CASK: variants seen among roughly 807,000 people sequenced by gnomAD.
CASK encodes the protein peripheral plasma membrane protein CASK.
CASK carries 4 observed loss-of-function variants against 82.9 expected under a neutral mutation model. The observed-to-expected ratio is 0.05, with a 90% confidence interval of 0.02 to 0.11. CASK has a LOEUF of 0.11. Among genes scored for constraint, CASK ranks in the 10% least tolerant of loss-of-function variants. The pLI, the probability that CASK is intolerant of heterozygous loss-of-function variation, is 1.00. For synonymous variants in CASK, 259 were observed against 253.5 expected (o/e 1.02, Z -0.20); for missense variants, 358 against 720.9 (o/e 0.50, Z 5.76).
At chrX:41,855,433 G>A (rs913031272) in intron 1 of CASK, among the ~76,000 whole-genome samples, 2 of 111,687 alleles carry the variant, frequency 1.8e-5, no homozygotes, top group South Asian at 3.8e-4. Flanking sequence ...ACTAAAATAC[G>A]TTTTGAGGTT....
Position 41,723,138 on chromosome X carries a change from T to C in CASK, c.429+16246A>G, listed in dbSNP as rs192466993. Among the ~76,000 whole-genome samples the C allele has an allele frequency of 2.9e-3, 329 of 112,565 alleles. 1 individual carries two copies. The highest frequency in any genetic ancestry group is 3.0e-3 in the Non-Finnish European group (161 of 53,328). ...ATTAGCAAACATCATAGAGAATTTA[T>C]GAAATAAACATGAAATAAGGTAAGC... On this transcript the variant is annotated intron_variant, in intron 5 of 26. Coordinates refer to ENST00000378163, the MANE Select transcript of CASK (RefSeq NM_001367721.1).
rs1298836230 is a variant in CASK, at chrX:41,660,888, C to T, written c.709-327G>A. ...GCTAGGGAGACTAGAATACATCGAT[C>T]CAGAAAGAACTAAAATAAAACTTAA... On this transcript the variant is annotated intron_variant, in intron 7 of 26. Transcript: ENST00000378163. Among the ~76,000 whole-genome samples the T allele has an allele frequency of 2.7e-5, 3 of 111,530 alleles. No individual in the cohort carries two copies. In the East Asian group the frequency reaches 8.3e-4, roughly 31 times the overall value.
chrX:41,582,900 T>C (rs1024908919), intron 14 of CASK, among the ~76,000 whole-genome samples: 10 of 111,928 alleles, frequency 8.9e-5, no homozygotes, highest in Non-Finnish European at 1.9e-5. Flanking sequence ...TAGTTATTAT[T>C]GCCATATGAA....
intron 14 of CASK, chrX:41,585,358 G>A (rs999052582): frequency 8.9e-5 from 10 of 112,537 alleles, no homozygotes; most frequent in African/African-American, 3.2e-4. Flanking sequence ...GGGTGGGAGA[G>A]TTAGGAAGGA....
chrX:41,533,351 G>A (rs1423927292), intron 24 of CASK, among the ~76,000 whole-genome samples: 1 of 112,317 alleles, frequency 8.9e-6, no homozygotes, highest in East Asian at 2.8e-4. Flanking sequence ...CTAGACATAA[G>A]GAGAATTAAA....
chrX:41,849,354 A>C (rs2071216773), intron 2 of CASK, among the ~76,000 whole-genome samples: 1 of 111,476 alleles, frequency 9.0e-6, no homozygotes, highest in Admixed American at 9.6e-5. Context: ...TCAGTAGAGT[A>C]AGAGACAAAA....
chrX:41,653,035 A>T (rs1471445220), intron 8 of CASK, among the ~76,000 whole-genome samples: 2 of 112,347 alleles, frequency 1.8e-5, no homozygotes, highest in African/African-American at 6.5e-5. Context: ...TCAGAATTGA[A>T]TTAGAGAATA....
At chrX:41,671,660 A>C in intron 5 of CASK, 130 bp from the exon 6 acceptor site, 2 of 504,938 alleles carry the variant, frequency 4.0e-6, no homozygotes, top group South Asian at 2.7e-5. Context: ...AAAACTTCTA[A>C]ATTATTCTGG....
intron 9 of CASK, among the ~76,000 whole-genome samples, chrX:41,635,024 T>C (rs2066529941): frequency 9.0e-6 from 1 of 111,648 alleles, no homozygotes; most frequent in African/African-American, 3.3e-5. Flanking sequence ...TGTTAATATT[T>C]CCCTTGTTCT....
intron 4 of CASK, chrX:41,743,550 G>A (rs765122788): frequency 7.0e-6 from 2 of 286,135 alleles, no homozygotes; most frequent in African/African-American, 5.5e-5. Context: ...AAAACACAGC[G>A]ACCACACATT....
intron 4 of CASK, among the ~76,000 whole-genome samples, chrX:41,741,266 T>A (rs2068593639): frequency 8.9e-6 from 1 of 111,870 alleles, no homozygotes. Flanking sequence ...CTGTAACCCC[T>A]TGAAATGGCT....
chrX:41,830,668 A>AAGG (rs1373611440), intron 2 of CASK, among the ~76,000 whole-genome samples: 1 of 107,464 alleles, frequency 9.3e-6, no homozygotes, highest in African/African-American at 3.4e-5. Flanking sequence ...AAAATACAAA[A>AAGG]AATTAGCCGG....
chrX:41,562,435 T>C (rs1463286371), intron 16 of CASK: 1 of 112,224 alleles, frequency 8.9e-6, no homozygotes, highest in Non-Finnish European at 1.9e-5. Context: ...TAAACATTCA[T>C]CTTAAGTACA....
At chrX:41,550,986 G>T in intron 21 of CASK, among the ~76,000 whole-genome samples, 1 of 111,770 alleles carries the variant, frequency 8.9e-6, no homozygotes, top group Non-Finnish European at 1.9e-5. Context: ...CAGTAGGTTT[G>T]GGTTTGTTTC....
intron 12 of CASK, among the ~76,000 whole-genome samples, chrX:41,605,087 T>C (rs993154392): frequency 2.7e-5 from 3 of 112,350 alleles, no homozygotes; most frequent in African/African-American, 9.7e-5. Flanking sequence ...AAGTCATAGA[T>C]AATCTTTAGT....
At chrX:41,843,561 A>G (rs893012209) in intron 2 of CASK, among the ~76,000 whole-genome samples, 2 of 111,994 alleles carry the variant, frequency 1.8e-5, no homozygotes, top group Non-Finnish European at 3.8e-5. Context: ...TTATCATACA[A>G]TTTGTCCACA....
chrX:41,904,247 T>C (rs1396473747), intron 1 of CASK, among the ~76,000 whole-genome samples: 1 of 111,900 alleles, frequency 8.9e-6, no homozygotes, highest in African/African-American at 3.2e-5. Flanking sequence ...GGAAAGGAAG[T>C]CTTTATACAC....
At chrX:41,768,561 T>G (rs745372381) in intron 3 of CASK, among the ~76,000 whole-genome samples, 1 of 111,582 alleles carries the variant, frequency 9.0e-6, no homozygotes, top group Non-Finnish European at 1.9e-5. Context: ...TGTAATTTTC[T>G]GACAGAATTT....
At chrX:41,550,739 A>G (rs1175523249) in intron 21 of CASK, among the ~76,000 whole-genome samples, 2 of 108,634 alleles carry the variant, frequency 1.8e-5, no homozygotes, top group Non-Finnish European at 3.8e-5. Context: ...TCTACAAAAA[A>G]AAAAAAAAGA....
Sources: gnomAD v4.1 joint callset for allele counts (sites outside exome capture counted in the v4.1 genomes callset) on GRCh38, gnomAD v4.1.1 for gene constraint, MANE v1.5 for transcripts, NCBI Gene and HGNC (gene_info 2026-07-23, HGNC 2026-07-21) for gene names.